Variants in GUCY1A2 observed in about 807,000 individuals in gnomAD.
GUCY1A2 encodes the protein guanylate cyclase soluble subunit alpha-2.
In GUCY1A2, 27 loss-of-function variants were observed where a neutral mutation model predicts 63.5. The observed-to-expected ratio is 0.43, with a 90% CI of 0.31 to 0.59. The LOEUF (loss-of-function observed/expected upper bound fraction) is 0.59. Among genes scored for constraint, GUCY1A2 ranks in the 20% least tolerant of loss-of-function variants. The pLI is 0.11. For synonymous variants in GUCY1A2, 364 were observed against 343.5 expected (o/e 1.06, Z -0.66); for missense variants, 768 against 913.3 (o/e 0.84, Z 2.05).
chr11:106,929,347 C>A (rs976879378), intron 4 of GUCY1A2, among the ~76,000 whole-genome samples: 2 of 152,082 alleles, frequency 1.3e-5, no homozygotes, highest in African/African-American at 4.8e-5. Context: ...CAAATACAGG[C>A]AGCATTTTAA....
Position 106,687,319 on chromosome 11 carries a change from AC to A in GUCY1A2, c.*229del. ...ATTAAAATATATGTGTATATATATGACCAAAACCACTCATATGAATGGACAC... is the reference window on the plus strand; with the variant it reads ...ATTAAAATATATGTGTATATATATGACAAAACCACTCATATGAATGGACAC... On this transcript the variant is annotated 3_prime_UTR_variant, in exon 8 of 8. Transcript: ENST00000526355. The A allele has an allele frequency of 1.9e-6, 1 of 538,348 alleles. No homozygotes were observed. The highest frequency in any genetic ancestry group is 2.3e-5 in the South Asian group (1 of 43,858). 33.3% of individuals were successfully genotyped at this position (538,348 alleles called of 1,614,324 possible).
Position 107,017,826 on chromosome 11 carries a change from C to A in GUCY1A2, c.230G>T (p.Arg77Met). 1 of 1,306,220 alleles carries A rather than the reference C, an allele frequency of 7.7e-7. No homozygotes were observed. Among genetic ancestry groups the A allele is most frequent in the Non-Finnish European group, 9.7e-7 (1 of 1,029,750 alleles). The allele number at this position is 1,306,220 out of a possible 1,614,324, so 80.9% of individuals were successfully genotyped here. A position where few individuals can be genotyped will look rare whatever the true frequency, so the allele number is the denominator to read the frequency against. The change falls in exon 1 of 8, where the codon AGG becomes ATG. Residue 77 changes from arginine to methionine, a missense_variant. Arg to Met is a moderately conservative substitution (Grantham distance 91, BLOSUM62 -1). Around this residue, in one of 3 missense-constraint regions of GUCY1A2, gnomAD observed 496 missense variants for 486.9 expected, o/e 1.02. Transcript: ENST00000526355. ...AAAAAATAGA[R>M]RVQRRRRVNL... ...GACCCGCCTCCGGCGCTGCACCCTC[C>A]TGGCCCCGGCAGTGGCAGCGGCGGC...
chr11:106,910,548 T>C (rs1860279304), intron 4 of GUCY1A2, among the ~76,000 whole-genome samples: 1 of 152,088 alleles, frequency 6.6e-6, no homozygotes, highest in Admixed American at 6.6e-5. Flanking sequence ...ACAATGTACA[T>C]GTATCAGAAT....
chr11:106,708,383 T>C, intron 7 of GUCY1A2, 129 bp downstream of exon 7: 1 of 645,032 alleles, frequency 1.6e-6, no homozygotes, highest in South Asian at 2.6e-5. Context: ...TCTTTTGGGT[T>C]TGGGCAGTTC....
chr11:107,003,805 C>G (rs553713690), intron 1 of GUCY1A2, among the ~76,000 whole-genome samples: 11 of 152,244 alleles, frequency 7.2e-5, no homozygotes, highest in African/African-American at 2.2e-4. Flanking sequence ...CTCCAGGAAG[C>G]AGACTCTAAG....
At chr11:106,792,960 TAC>T (rs1864690188) in intron 5 of GUCY1A2, among the ~76,000 whole-genome samples, 1 of 152,142 alleles carries the variant, frequency 6.6e-6, no homozygotes, top group Non-Finnish European at 1.5e-5. Flanking sequence ...CCGAAGTGAT[TAC>T]AGATTCAATG....
chr11:106,749,284 G>A (rs11608184), intron 6 of GUCY1A2, among the ~76,000 whole-genome samples: 32,061 of 151,950 alleles, frequency 0.21, 4,034 homozygotes, highest in Non-Finnish European at 0.27. Context: ...CTGTCATTAA[G>A]CGACACATAA....
At chr11:107,016,106 C>T (rs1426790268) in intron 1 of GUCY1A2, among the ~76,000 whole-genome samples, 2 of 152,138 alleles carry the variant, frequency 1.3e-5, no homozygotes, top group Non-Finnish European at 2.9e-5. Context: ...TGTCTGGTAC[C>T]CGTACTCAGT....
chr11:106,770,462 A>T (rs888800346), intron 6 of GUCY1A2, among the ~76,000 whole-genome samples: 7 of 152,082 alleles, frequency 4.6e-5, no homozygotes, highest in African/African-American at 1.4e-4. Context: ...CTTTTTTCTA[A>T]ATACAGTCTC....
At chr11:106,899,015 G>A (rs990257166) in intron 4 of GUCY1A2, among the ~76,000 whole-genome samples, 13 of 152,162 alleles carry the variant, frequency 8.5e-5, no homozygotes, top group Admixed American at 4.6e-4. Flanking sequence ...AAAACTACTC[G>A]AAAACATGAA....
At chr11:106,860,049 G>A (rs1859488547) in intron 4 of GUCY1A2, among the ~76,000 whole-genome samples, 1 of 151,846 alleles carries the variant, frequency 6.6e-6, no homozygotes, top group African/African-American at 2.4e-5. Context: ...GAAATTACAT[G>A]AACTAATATG....
intron 4 of GUCY1A2, among the ~76,000 whole-genome samples, chr11:106,847,495 A>C (rs1859292404): frequency 6.6e-6 from 1 of 151,450 alleles, no homozygotes; most frequent in Non-Finnish European, 1.5e-5. Flanking sequence ...ACTAAGAACT[A>C]TACACAAATT....
intron 4 of GUCY1A2, among the ~76,000 whole-genome samples, chr11:106,926,271 A>G (rs771423942): frequency 6.6e-6 from 1 of 151,888 alleles, no homozygotes; most frequent in Non-Finnish European, 1.5e-5. Flanking sequence ...ACTACTAATA[A>G]CAATAATAAT....
At chr11:107,004,735 G>A (rs964466059) in intron 1 of GUCY1A2, among the ~76,000 whole-genome samples, 1 of 152,196 alleles carries the variant, frequency 6.6e-6, no homozygotes, top group African/African-American at 2.4e-5. Context: ...GGTTGGTGTA[G>A]GAGGACTACT....
chr11:106,870,205 G>A (rs376870730), intron 4 of GUCY1A2, among the ~76,000 whole-genome samples: 5 of 151,858 alleles, frequency 3.3e-5, no homozygotes, highest in African/African-American at 7.2e-5. Context: ...GTATACATAC[G>A]TAACAAACCC....
chr11:106,944,827 G>A (rs558738689), intron 3 of GUCY1A2, among the ~76,000 whole-genome samples: 1 of 152,172 alleles, frequency 6.6e-6, no homozygotes, highest in Non-Finnish European at 1.5e-5. Flanking sequence ...AAAACTATCA[G>A]TGTTACTCCT....
intron 5 of GUCY1A2, among the ~76,000 whole-genome samples, chr11:106,804,653 C>G (rs1447467838): frequency 6.6e-6 from 1 of 152,116 alleles, no homozygotes; most frequent in Non-Finnish European, 1.5e-5. Flanking sequence ...CAAGACAAAT[C>G]AAAATTCTTG....
chr11:106,913,257 A>C (rs1303349011), intron 4 of GUCY1A2, among the ~76,000 whole-genome samples: 1 of 152,148 alleles, frequency 6.6e-6, no homozygotes, highest in Non-Finnish European at 1.5e-5. Context: ...CAATTTATAA[A>C]GAAAAGAGAT....
chr11:106,979,377 C>A lies in GUCY1A2; in HGVS notation c.366-637G>T, dbSNP rs370713886. On this transcript the variant is annotated intron_variant, in intron 2 of 7. Transcript: ENST00000526355. Reference sequence around the variant, plus strand: ...GGCTGAGGCAGAAGAATGGTGTGAACCCAGGAGGCGGAGCTTGCAGTGAGC... The same window carrying A: ...GGCTGAGGCAGAAGAATGGTGTGAAACCAGGAGGCGGAGCTTGCAGTGAGC... 9.0e-4 allele frequency among the ~76,000 whole-genome samples: 136 copies of A among 151,458 alleles called. 1 individual carries two copies. The highest frequency in any genetic ancestry group is 3.2e-3 in the African/African-American group (133 of 41,176).
Sources: allele counts gnomAD v4.1 joint callset (sites outside exome capture counted in the v4.1 genomes callset), GRCh38; gene constraint gnomAD v4.1.1; regional missense constraint gnomAD v4.1.1; transcripts MANE v1.5; gene names NCBI Gene and HGNC (gene_info 2026-07-23, HGNC 2026-07-21).